AKAP12: variants seen among roughly 807,000 people sequenced by gnomAD.
AKAP12 encodes A-kinase anchor protein 12.
Under a neutral mutation model 79.9 loss-of-function variants are expected in AKAP12, and 32 were observed. The ratio of observed to expected loss-of-function variants is 0.40; its 90% confidence interval spans 0.30 to 0.54. The LOEUF (loss-of-function observed/expected upper bound fraction) is 0.54. AKAP12 is among the 20% of genes least tolerant of loss of function. The pLI is 0.48. For synonymous variants in AKAP12, 808 were observed against 857.0 expected (o/e 0.94, Z 1.00); for missense variants, 2,074 against 2,177.0 (o/e 0.95, Z 0.94).
chr6:151,281,526 C>T (rs1400432070), intron 2 of AKAP12, among the ~76,000 whole-genome samples: 2 of 152,182 alleles, frequency 1.3e-5, no homozygotes, highest in Non-Finnish European at 2.9e-5. Flanking sequence ...TGATACTTCA[C>T]ATTTGCAAGA....
chr6:151,331,614 G>T (rs576811172), intron 3 of AKAP12, among the ~76,000 whole-genome samples: 1 of 152,058 alleles, frequency 6.6e-6, no homozygotes, highest in African/African-American at 2.4e-5. Flanking sequence ...GGCCGGGTGC[G>T]GTGGCTCACG....
chr6:151,318,858 G>A (rs778683282), intron 3 of AKAP12, among the ~76,000 whole-genome samples: 5 of 152,102 alleles, frequency 3.3e-5, no homozygotes, highest in East Asian at 1.9e-4. Context: ...CAGGAGAATC[G>A]CTTGAGCCCA....
At chr6:151,329,342 C>T (rs1777612063) in intron 3 of AKAP12, among the ~76,000 whole-genome samples, 1 of 152,180 alleles carries the variant, frequency 6.6e-6, no homozygotes. Context: ...TCTTGAACTC[C>T]TGACCTCAGG....
At chr6:151,240,864 C>A in intron 2 of AKAP12, 140 bp downstream of exon 2, 2 of 846,822 alleles carry the variant, frequency 2.4e-6, no homozygotes, top group Non-Finnish European at 1.6e-6. Context: ...AGTGCGAACC[C>A]CTCTTTGGAG....
intron 2 of AKAP12, among the ~76,000 whole-genome samples, chr6:151,264,769 A>G (rs895737579): frequency 1.1e-4 from 17 of 152,172 alleles, no homozygotes; most frequent in African/African-American, 3.6e-4. Flanking sequence ...TTTGACAAAA[A>G]TAAATTAATT....
chr6:151,271,983 C>G (rs752007966), intron 2 of AKAP12, among the ~76,000 whole-genome samples: 1 of 152,084 alleles, frequency 6.6e-6, no homozygotes, highest in Non-Finnish European at 1.5e-5. Flanking sequence ...ATGATATCAT[C>G]TAAGATAGAG....
chr6:151,282,199 T>G (rs1234130041), intron 2 of AKAP12, among the ~76,000 whole-genome samples: 1 of 151,654 alleles, frequency 6.6e-6, no homozygotes, highest in South Asian at 2.1e-4. Flanking sequence ...GAGGCAGAGG[T>G]TGCAGTGAGC....
intron 2 of AKAP12, among the ~76,000 whole-genome samples, chr6:151,295,612 A>C (rs1776708777): frequency 6.6e-6 from 1 of 152,228 alleles, no homozygotes; most frequent in African/African-American, 2.4e-5. Flanking sequence ...GCATTCTGGA[A>C]ATTAGCATTT....
In AKAP12 at chr6:151,309,252, ATAATT is replaced by A. The variant is rs537794823; in HGVS notation, c.319+3351_319+3355del. ...AGTTTGCTGTAGGATAGACAAAGGC[ATAATT>A]TGGCATGTGACACTGACCTGTAGGA... On this transcript the variant is annotated intron_variant, in intron 3 of 4. Coordinates refer to ENST00000402676, the MANE Select transcript of AKAP12 (RefSeq NM_005100.4). Among the ~76,000 whole-genome samples, 389 of 152,324 alleles carry A rather than the reference ATAATT, an allele frequency of 2.6e-3. 1 individual carries two copies. Among genetic ancestry groups the A allele is most frequent in the African/African-American group, 9.0e-3 (376 of 41,570 alleles).
intron 2 of AKAP12, among the ~76,000 whole-genome samples, chr6:151,243,858 T>A (rs181797944): frequency 2.6e-5 from 4 of 152,206 alleles, no homozygotes. Flanking sequence ...TTTTAAAAAT[T>A]TGTCTTAAAA....
intron 2 of AKAP12, among the ~76,000 whole-genome samples, chr6:151,264,420 C>T (rs189310065): frequency 1.0e-3 from 151 of 150,196 alleles, no homozygotes; most frequent in Non-Finnish European, 1.2e-3. Context: ...CCTGTAATCC[C>T]AGCACTTTGG....
intron 3 of AKAP12, among the ~76,000 whole-genome samples, chr6:151,314,207 A>G (rs1350623896): frequency 6.6e-6 from 1 of 152,002 alleles, no homozygotes; most frequent in African/African-American, 2.4e-5. Context: ...TTTGTATTTT[A>G]GTAGAGATGG....
chr6:151,331,103 C>CTTT (rs1777654873), intron 3 of AKAP12, among the ~76,000 whole-genome samples: 1 of 152,194 alleles, frequency 6.6e-6, no homozygotes. Context: ...CAGTGTGAAA[C>CTTT]ACTTCAGTAA....
At chr6:151,337,599 C>G (rs545920252) in intron 3 of AKAP12, among the ~76,000 whole-genome samples, 16 of 151,908 alleles carry the variant, frequency 1.1e-4, no homozygotes, top group Admixed American at 3.3e-4. Flanking sequence ...ACACCCATAC[C>G]CTTTACTCAG....
chr6:151,319,935 CAAG>C (rs769958403), intron 3 of AKAP12: 19 of 152,212 alleles, frequency 1.2e-4, no homozygotes, highest in Non-Finnish European at 2.5e-4. Flanking sequence ...CCTTTTCCAG[CAAG>C]AAGAAAAGAG....
chr6:151,266,491 G>A (rs796717460), intron 2 of AKAP12, among the ~76,000 whole-genome samples: 1 of 152,152 alleles, frequency 6.6e-6, no homozygotes, highest in African/African-American at 2.4e-5. Flanking sequence ...AGGAGTCTAG[G>A]TAGAATAGAA....
chr6:151,267,351 C>T (rs1245145478), intron 2 of AKAP12, among the ~76,000 whole-genome samples: 1 of 152,202 alleles, frequency 6.6e-6, no homozygotes, highest in Non-Finnish European at 1.5e-5. Context: ...CACCAGTCAG[C>T]ATCTATTTGG....
intron 4 of AKAP12, among the ~76,000 whole-genome samples, chr6:151,354,238 G>GA (rs995451531): frequency 2.7e-5 from 4 of 150,828 alleles, no homozygotes; most frequent in South Asian, 4.2e-4. Flanking sequence ...AGCTCTTTCA[G>GA]AAAAAATGGA....
intron 3 of AKAP12, among the ~76,000 whole-genome samples, chr6:151,338,466 T>G (rs1216158449): frequency 6.6e-6 from 1 of 151,962 alleles, no homozygotes; most frequent in Admixed American, 6.6e-5. Context: ...TTTTTTTTTT[T>G]TTTCCCCGAG....
Sources: allele counts gnomAD v4.1 joint callset (sites outside exome capture counted in the v4.1 genomes callset), GRCh38; gene constraint gnomAD v4.1.1; transcripts MANE v1.5; gene names NCBI Gene and HGNC (gene_info 2026-07-23, HGNC 2026-07-21).